TMEM106A: variants seen among roughly 807,000 people sequenced by gnomAD.
TMEM106A encodes the protein transmembrane protein 106A.
A neutral mutation model predicts 25.1 loss-of-function variants in TMEM106A; 22 were observed. That is an observed-to-expected ratio of 0.88 (90% CI 0.63 to 1.25). The LOEUF is 1.25. Ranked by LOEUF, TMEM106A falls within the 50% of genes most tolerant of loss-of-function variation. The pLI is 0.00. For missense variants in TMEM106A, 275 were observed against 318.1 expected, an observed-to-expected ratio of 0.86 and a Z score of 1.03; for synonymous variants, 104 against 129.9, an observed-to-expected ratio of 0.80 and a Z score of 1.35.
chr17:43,216,169 G>T, intron 5 of TMEM106A: 1 of 646,772 alleles, frequency 1.5e-6, no homozygotes, highest in Non-Finnish European at 2.6e-6. Flanking sequence ...TAAACCACAG[G>T]GGTGGAGTGG....
chr17:43,216,419 A>G (rs747576461), intron 5 of TMEM106A, 30 bp from the exon 6 acceptor site: 16 of 1,607,160 alleles, frequency 1.0e-5, no homozygotes, highest in Non-Finnish European at 1.4e-5. Context: ...GGCCATCTTC[A>G]CTCCTCCCTT....
In TMEM106A at chr17:43,217,976, C is replaced by T. The variant is rs1049947217; in HGVS notation, c.*175C>T. The T allele has an allele frequency of 2.5e-6, 2 of 810,786 alleles. No individual in the cohort carries two copies. Among genetic ancestry groups the T allele is most frequent in the East Asian group, 2.6e-5 (1 of 39,154 alleles). 50.2% of individuals were successfully genotyped at this position (810,786 alleles called of 1,614,324 possible). On this transcript the variant is annotated 3_prime_UTR_variant, in exon 9 of 9. Transcript: ENST00000612339. ...AGCTTGCTTTGAAGTTAACTTCATA[C>T]ACACACACTCATATCCTCCAGTTTC... is the stretch of plus-strand genomic sequence containing the variant.
At chr17:43,215,073 C>T (rs1234799037) in intron 4 of TMEM106A, among the ~76,000 whole-genome samples, 1 of 151,532 alleles carries the variant, frequency 6.6e-6, no homozygotes, top group East Asian at 1.9e-4. Context: ...GGCAAAACCG[C>T]CTCTACTAAA....
chr17:43,212,541 C>G (rs2057442575), intron 2 of TMEM106A, 147 bp downstream of exon 2: 1 of 161,684 alleles, frequency 6.2e-6, no homozygotes, highest in African/African-American at 2.4e-5. Flanking sequence ...GGCTTTCTTA[C>G]CCCGCCTCAG....
In TMEM106A at chr17:43,216,315, A is replaced by G. The variant is rs1168580744; in HGVS notation, c.430-134A>G. ...TTCAATGCCCCTCCAAGGGGCTCCC[A>G]GTTTTCATCCTCTGCACCTGAAGCT... On this transcript the variant is annotated intron_variant, in intron 5 of 8. Transcript: ENST00000612339. The G allele has an allele frequency of 7.2e-6, 9 of 1,254,850 alleles. No homozygotes were observed. In the Admixed American group the frequency reaches 1.4e-4, roughly 19 times the overall value. The allele number at this position is 1,254,850 out of a possible 1,614,324, so 77.7% of individuals were successfully genotyped here.
At position 43,216,568 on chromosome 17, in the gene TMEM106A, T is replaced by C; in HGVS notation, c.549T>C (p.Ile183=). The stretch of plus-strand genomic sequence containing the variant: ...TTTCCAACAACCTTCTCCTACACAT[T>C]GGCCCTTTGGCCAGTGAACAGGTGA... The part of the protein sequence containing the change: ...GQVSNNLLLH[I]GPLASEQMFY... The change falls in exon 6 of 9, where the codon ATT becomes ATC. Residue 183 remains isoleucine, a synonymous_variant. Coordinates refer to ENST00000612339, the MANE Select transcript of TMEM106A (RefSeq NM_145041.4). The C allele has an allele frequency of 1.2e-6, 2 of 1,614,252 alleles. No homozygotes were observed. The highest frequency in any genetic ancestry group is 8.5e-7 in the Non-Finnish European group (1 of 1,180,038).
At position 43,213,119 on chromosome 17, in the gene TMEM106A, T is replaced by TGG; in HGVS notation, c.79_80dup (p.Ser28AlafsTer31). The stretch of plus-strand genomic sequence containing the variant: ...CAATCCTGTCCTCCAAACCAGCCAT[T>TGG]GGCAGCAAGGCTGTCAACTACTCCA... On this transcript the variant is annotated frameshift_variant, in exon 3 of 9. Coordinates refer to ENST00000612339, the MANE Select transcript of TMEM106A (RefSeq NM_145041.4). LOFTEE classifies it high-confidence loss of function. The TGG allele has an allele frequency of 6.2e-7, 1 of 1,614,204 alleles. No homozygotes were observed. Among genetic ancestry groups the TGG allele is most frequent in the Non-Finnish European group, 8.5e-7 (1 of 1,180,038 alleles).
intron 7 of TMEM106A, 26 bp downstream of exon 7, chr17:43,216,766 C>A: frequency 6.2e-7 from 1 of 1,614,130 alleles, no homozygotes; most frequent in Non-Finnish European, 8.5e-7. Flanking sequence ...TCTCTTCTCC[C>A]CTAGCCACTT....
Position 43,219,794 on chromosome 17 carries a change from G to A in TMEM106A, c.*1993G>A, listed in dbSNP as rs1379035685. 6.6e-6 allele frequency: 1 copy of A among 151,954 alleles called. No homozygotes were observed. The highest frequency in any genetic ancestry group is 1.5e-5 in the Non-Finnish European group (1 of 68,030). The allele number at this position is 151,954 out of a possible 1,614,324, so 9.4% of individuals were successfully genotyped here. The stretch of plus-strand genomic sequence containing the variant: ...CATTCAGACAGAACGATGAACACAG[G>A]TGAGCAGGGAAAGCTAATTTTGAAG... On this transcript the variant is annotated 3_prime_UTR_variant, in exon 9 of 9. Transcript: ENST00000612339.
rs185910206 is a variant in TMEM106A, at chr17:43,214,544, C to T, written c.275+653C>T. Among the ~76,000 whole-genome samples, 188 of 152,338 alleles carry T rather than the reference C, an allele frequency of 1.2e-3. 1 individual carries two copies. Among genetic ancestry groups the T allele is most frequent in the Non-Finnish European group, 2.2e-3 (150 of 68,040 alleles). ...TCAGAACCTCAGGCAGACCTGGGGC[C>T]TACTGTGTTTGTGATCTGAGTCCAT... is the stretch of plus-strand genomic sequence containing the variant. On this transcript the variant is annotated intron_variant, in intron 4 of 8. Coordinates refer to ENST00000612339, the MANE Select transcript of TMEM106A (RefSeq NM_145041.4).
chr17:43,216,132 A>T (rs906133688), intron 5 of TMEM106A, 191 bp downstream of exon 5: 1 of 742,288 alleles, frequency 1.3e-6, no homozygotes, highest in South Asian at 1.9e-5. Flanking sequence ...TCTACACAGT[A>T]AGGGGTCAGA....
chr17:43,214,202 A>G (rs1234693429), intron 4 of TMEM106A, among the ~76,000 whole-genome samples: 34 of 146,108 alleles, frequency 2.3e-4, no homozygotes, highest in African/African-American at 7.2e-4. Context: ...AAAAAAAAAA[A>G]AAAGAAAAAA....
chr17:43,216,940 C>A, intron 7 of TMEM106A, 200 bp downstream of exon 7: 1 of 692,960 alleles, frequency 1.4e-6, no homozygotes. Context: ...GAAAAACAGG[C>A]TGGAATTTGG....
chr17:43,217,118 G>T, intron 7 of TMEM106A, 141 bp from the exon 8 acceptor site: 2 of 838,754 alleles, frequency 2.4e-6, no homozygotes, highest in East Asian at 2.4e-5. Flanking sequence ...GGTGGGAAGG[G>T]GTGGGAGTGA....
chr17:43,217,821 C>T lies in TMEM106A; in HGVS notation c.*20C>T, dbSNP rs2057501451. Reference sequence around the variant, plus strand: ...CCATGACCTGTCTGCTGTCCCTGTACTCCAGGCACCTGCAACCCTGGTCTA... The same window carrying T: ...CCATGACCTGTCTGCTGTCCCTGTATTCCAGGCACCTGCAACCCTGGTCTA... On this transcript the variant is annotated 3_prime_UTR_variant, in exon 9 of 9. Transcript: ENST00000612339. 6.2e-7 allele frequency: 1 copy of T among 1,613,864 alleles called. No homozygotes were observed. The highest frequency in any genetic ancestry group is 2.2e-5 in the East Asian group (1 of 44,878).
chr17:43,213,520 G>A (rs2057456511), intron 3 of TMEM106A, among the ~76,000 whole-genome samples: 2 of 152,200 alleles, frequency 1.3e-5, no homozygotes, highest in Admixed American at 6.5e-5. Context: ...GTGTGTCCTA[G>A]GATTCATTCA....
rs560190644 is a variant in TMEM106A, at chr17:43,213,364, C to T, written c.211+112C>T. On this transcript the variant is annotated intron_variant, in intron 3 of 8. Transcript: ENST00000612339. ...TGGATGGGGTTAGATCTGCTCCCAG[C>T]TCTTGACCTCCCAGTCTCAGGCTGG... 6 of 1,118,636 alleles carry T rather than the reference C, an allele frequency of 5.4e-6. No homozygotes were observed. In the South Asian group the frequency reaches 8.3e-5, roughly 15 times the overall value. The allele number at this position is 1,118,636 out of a possible 1,614,324, so 69.3% of individuals were successfully genotyped here.
Position 43,214,591 on chromosome 17 carries a change from C to T in TMEM106A, c.275+700C>T, listed in dbSNP as rs140582508. On this transcript the variant is annotated intron_variant, in intron 4 of 8. Transcript: ENST00000612339. Reference sequence around the variant, plus strand: ...CCATCTGACATGGAGCTCCCTCAACCTCCTCCCAAGGTCCTGGTGTCAACC... The same window carrying T: ...CCATCTGACATGGAGCTCCCTCAACTTCCTCCCAAGGTCCTGGTGTCAACC... Among the ~76,000 whole-genome samples, 602 of 152,264 alleles carry T rather than the reference C, an allele frequency of 4.0e-3. 6 individuals are homozygous for T. Among genetic ancestry groups the T allele is most frequent in the African/African-American group, 0.014 (587 of 41,546 alleles).
chr17:43,215,129 G>A (rs1030376338), intron 4 of TMEM106A, among the ~76,000 whole-genome samples: 2 of 152,058 alleles, frequency 1.3e-5, no homozygotes, highest in South Asian at 2.1e-4. Flanking sequence ...TGTAATCCCA[G>A]CTACTCAGGA....
Sources: allele counts gnomAD v4.1 joint callset (sites outside exome capture counted in the v4.1 genomes callset), GRCh38; gene constraint gnomAD v4.1.1; transcripts MANE v1.5; gene names NCBI Gene and HGNC (gene_info 2026-07-23, HGNC 2026-07-21).